The following PIK3C2G variants were observed in gnomAD, a reference collection of about 807,000 sequenced individuals.
PIK3C2G encodes the protein phosphatidylinositol-4-phosphate 3-kinase catalytic subunit type 2 gamma, also known as phosphatidylinositol 3-kinase C2 domain-containing subunit gamma.
PIK3C2G carries 168 observed loss-of-function variants against 181.1 expected under a neutral mutation model. That is an observed-to-expected ratio of 0.93 (90% CI 0.82 to 1.05). PIK3C2G has a LOEUF of 1.05. Among genes scored for constraint, PIK3C2G ranks in the 50% least tolerant of loss-of-function variants. The pLI is 0.00. For synonymous variants in PIK3C2G, 573 were observed against 592.2 expected, an observed-to-expected ratio of 0.97 and a Z score of 0.47; for missense variants, 1,869 against 1,732.8, an observed-to-expected ratio of 1.08 and a Z score of -1.40.
chr12:18,656,844 C>T, the PIK3C2G span, among the ~76,000 whole-genome samples: 1 of 152,078 alleles, frequency 6.6e-6, no homozygotes. Context: ...TTTGCAACAA[C>T]AAAATGAATG....
At chr12:18,565,895 C>T (rs1179044286) in intron 28 of PIK3C2G, among the ~76,000 whole-genome samples, 1 of 152,110 alleles carries the variant, frequency 6.6e-6, no homozygotes, top group African/African-American at 2.4e-5. Context: ...AAATTCATTT[C>T]TCCCAAAAAA....
intron 16 of PIK3C2G, among the ~76,000 whole-genome samples, chr12:18,409,070 T>C (rs1434175664): frequency 6.6e-6 from 1 of 152,170 alleles, no homozygotes; most frequent in Non-Finnish European, 1.5e-5. Flanking sequence ...GGATTATAAA[T>C]CATTCTACTA....
At chr12:18,630,700 G>T (rs1216156747) in intron 31 of PIK3C2G, among the ~76,000 whole-genome samples, 4 of 84,058 alleles carry the variant, frequency 4.8e-5, no homozygotes, top group Non-Finnish European at 7.1e-5. Flanking sequence ...TGTTTTAACA[G>T]CAAATCTAGA....
intron 5 of PIK3C2G, among the ~76,000 whole-genome samples, chr12:18,313,273 C>CA (rs1249301108): frequency 6.6e-6 from 1 of 151,358 alleles, no homozygotes; most frequent in Middle Eastern, 3.5e-3. Flanking sequence ...TATTTATAGG[C>CA]AAAAAAAGAA....
intron 16 of PIK3C2G, among the ~76,000 whole-genome samples, chr12:18,402,043 A>T (rs976178037): frequency 6.6e-6 from 1 of 152,130 alleles, no homozygotes; most frequent in Non-Finnish European, 1.5e-5. Flanking sequence ...AGATAAATTT[A>T]AAAATATGCC....
chr12:18,421,927 G>C (rs1945510203), intron 17 of PIK3C2G, among the ~76,000 whole-genome samples: 1 of 152,038 alleles, frequency 6.6e-6, no homozygotes, highest in South Asian at 2.1e-4. Flanking sequence ...CCTTAAAAAA[G>C]AGAGCTGGTT....
intron 30 of PIK3C2G, among the ~76,000 whole-genome samples, chr12:18,607,871 C>T (rs1319564951): frequency 6.6e-6 from 1 of 152,108 alleles, no homozygotes; most frequent in Non-Finnish European, 1.5e-5. Flanking sequence ...CAGACAACCC[C>T]ATCAACAAGT....
chr12:18,329,795 A>G (rs910170017), intron 8 of PIK3C2G, among the ~76,000 whole-genome samples: 8 of 152,034 alleles, frequency 5.3e-5, no homozygotes, highest in African/African-American at 1.9e-4. Context: ...TTCACAATAT[A>G]TGAGAGTTCC....
the PIK3C2G span, chr12:18,701,830 G>GT: frequency 1.9e-6 from 3 of 1,550,558 alleles, no homozygotes; most frequent in Non-Finnish European, 2.6e-6. Context: ...AATTTGCATT[G>GT]TAACAGTCAC....
chr12:18,347,947 T>A (rs1049392573), intron 11 of PIK3C2G, among the ~76,000 whole-genome samples: 1 of 152,120 alleles, frequency 6.6e-6, no homozygotes, highest in Non-Finnish European at 1.5e-5. Flanking sequence ...TCTACACACA[T>A]ATTTGTTTAG....
rs552519961 is a variant in PIK3C2G, at chr12:18,391,095, C to G, written c.1996-27C>G. 7.6e-6 allele frequency: 12 copies of G among 1,576,448 alleles called. No individual in the cohort carries two copies. The South Asian group carries it at 1.3e-4, about 17-fold the overall frequency. On this transcript the variant is annotated intron_variant, in intron 14 of 32. Transcript: ENST00000538779. ...AATGTATTTTGAGACACCTTCAACA[C>G]ATGGCAAATCATTTTTTTTCTTTCA...
At chr12:18,413,250 C>T (rs1196621707) in intron 16 of PIK3C2G, among the ~76,000 whole-genome samples, 1 of 152,022 alleles carries the variant, frequency 6.6e-6, no homozygotes, top group African/African-American at 2.4e-5. Context: ...ATTGTTAGCT[C>T]AACTTGGAGG....
At chr12:18,715,450 G>C in the PIK3C2G span, among the ~76,000 whole-genome samples, 15 of 151,032 alleles carry the variant, frequency 9.9e-5, no homozygotes, top group African/African-American at 3.7e-4. Context: ...CGCCCAGACT[G>C]GGGTGCAGTG....
At chr12:18,264,070 T>C (rs1481424440) in intron 1 of PIK3C2G, among the ~76,000 whole-genome samples, 1 of 152,158 alleles carries the variant, frequency 6.6e-6, no homozygotes, top group Non-Finnish European at 1.5e-5. Context: ...TTTGTTGTTG[T>C]TTTCATTCTT....
At chr12:18,416,566 C>T (rs1945192834) in intron 16 of PIK3C2G, among the ~76,000 whole-genome samples, 1 of 152,164 alleles carries the variant, frequency 6.6e-6, no homozygotes, top group Admixed American at 6.5e-5. Context: ...GAAGCCAATG[C>T]TCATTTACTA....
At chr12:18,322,219 T>TA (rs1285258379) in intron 7 of PIK3C2G, among the ~76,000 whole-genome samples, 1 of 151,716 alleles carries the variant, frequency 6.6e-6, no homozygotes, top group Non-Finnish European at 1.5e-5. Flanking sequence ...CCATCTCTAT[T>TA]AAAAATACAA....
At chr12:18,443,992 C>CAT (rs10677143) in intron 18 of PIK3C2G, among the ~76,000 whole-genome samples, 39,885 of 152,064 alleles carry the variant, frequency 0.26, 5,765 homozygotes, top group African/African-American at 0.36. Context: ...CTCATGCTCT[C>CAT]GTGTATTGAG....
At chr12:18,696,076 G>A in the PIK3C2G span, 1 of 852,478 alleles carries the variant, frequency 1.2e-6, no homozygotes, top group Non-Finnish European at 1.9e-6. Flanking sequence ...CTTTTCACGA[G>A]TTTTTCATAC....
At chr12:18,316,984 G>T (rs935396527) in intron 6 of PIK3C2G, among the ~76,000 whole-genome samples, 2 of 149,244 alleles carry the variant, frequency 1.3e-5, no homozygotes, top group Admixed American at 6.7e-5. Flanking sequence ...AAGGCATTCC[G>T]TATCCCCATC....
Sources: gnomAD v4.1 joint callset for allele counts (sites outside exome capture counted in the v4.1 genomes callset) on GRCh38, gnomAD v4.1.1 for gene constraint, MANE v1.5 for transcripts, NCBI Gene and HGNC (gene_info 2026-07-23, HGNC 2026-07-21) for gene names.